Variants in STIM2 observed in about 807,000 individuals in gnomAD.
STIM2 encodes stromal interaction molecule 2.
In STIM2, 31 loss-of-function variants were observed where a neutral mutation model predicts 85.8. The ratio of observed to expected loss-of-function variants is 0.36; its 90% CI spans 0.27 to 0.49. The LOEUF (loss-of-function observed/expected upper bound fraction) is 0.49. Ranked by LOEUF, STIM2 falls within the 20% of genes least tolerant of loss-of-function variation. The pLI, the probability that STIM2 is intolerant of heterozygous loss-of-function variation, is 0.98. For synonymous variants in STIM2, 356 were observed against 331.1 expected (o/e 1.08, Z -0.82); for missense variants, 841 against 927.6 (o/e 0.91, Z 1.21).
chr4:26,981,180 C>T (rs1316521931), intron 3 of STIM2, among the ~76,000 whole-genome samples: 1 of 152,194 alleles, frequency 6.6e-6, no homozygotes, highest in Non-Finnish European at 1.5e-5. Context: ...ATAACTTGAT[C>T]TCTCTGTCCC....
At chr4:26,939,229 A>G (rs947956607) in intron 2 of STIM2, among the ~76,000 whole-genome samples, 4 of 152,012 alleles carry the variant, frequency 2.6e-5, no homozygotes, top group East Asian at 1.9e-4. Context: ...AACTATTCCT[A>G]TTTGACACGG....
At chr4:26,875,784 C>T (rs1392920195) in intron 1 of STIM2, among the ~76,000 whole-genome samples, 1 of 152,104 alleles carries the variant, frequency 6.6e-6, no homozygotes, top group Admixed American at 6.5e-5. Context: ...GAAAAACAGA[C>T]CTTTGGGAAA....
chr4:26,915,639 G>A (rs74601981), intron 1 of STIM2, among the ~76,000 whole-genome samples: 21,532 of 152,196 alleles, frequency 0.14, 1,777 homozygotes, highest in Middle Eastern at 0.27. Flanking sequence ...AAACAAGGTG[G>A]AATTTAATAA....
intron 4 of STIM2, among the ~76,000 whole-genome samples, chr4:26,995,901 G>A (rs1038409056): frequency 3.9e-4 from 59 of 152,082 alleles, no homozygotes; most frequent in African/African-American, 1.2e-3. Flanking sequence ...GAATTATGGC[G>A]TCTATACGTT....
intron 1 of STIM2, among the ~76,000 whole-genome samples, chr4:26,889,701 A>G (rs1723392787): frequency 6.6e-6 from 1 of 152,114 alleles, no homozygotes; most frequent in Admixed American, 6.5e-5. Flanking sequence ...GGTACATAGA[A>G]GTTCATGTTG....
At chr4:26,867,469 T>C (rs114075712) in intron 1 of STIM2, among the ~76,000 whole-genome samples, 53 of 152,284 alleles carry the variant, frequency 3.5e-4, no homozygotes, top group African/African-American at 1.2e-3. Context: ...CCAAAGACAA[T>C]ATATTTGCCA....
chr4:27,011,492 A>G (rs1450050181), intron 10 of STIM2, among the ~76,000 whole-genome samples: 1 of 152,190 alleles, frequency 6.6e-6, no homozygotes, highest in East Asian at 1.9e-4. Flanking sequence ...GTGGACACCT[A>G]GAAACGGACT....
At chr4:26,885,960 A>G (rs1723232484) in intron 1 of STIM2, among the ~76,000 whole-genome samples, 1 of 150,288 alleles carries the variant, frequency 6.7e-6, no homozygotes, top group Non-Finnish European at 1.5e-5. Flanking sequence ...AATTACATAT[A>G]AACCTTATTT....
intron 3 of STIM2, among the ~76,000 whole-genome samples, chr4:26,959,860 T>C (rs1459119725): frequency 1.3e-5 from 2 of 152,202 alleles, no homozygotes; most frequent in African/African-American, 2.4e-5. Context: ...TTATCTCCTC[T>C]CTGCTTCCTT....
chr4:26,892,064 C>A (rs971166221), intron 1 of STIM2, among the ~76,000 whole-genome samples: 17 of 152,160 alleles, frequency 1.1e-4, no homozygotes, highest in Non-Finnish European at 4.4e-5. Flanking sequence ...CTGCCGCTAT[C>A]TGTGTAAGAT....
chr4:26,908,640 C>A (rs546687325), intron 1 of STIM2, among the ~76,000 whole-genome samples: 1 of 152,140 alleles, frequency 6.6e-6, no homozygotes, highest in Non-Finnish European at 1.5e-5. Context: ...CATGCTACCA[C>A]GCCCGGCTCA....
rs1729020295 is a variant in STIM2, at chr4:27,024,527, CT to C, written c.*1534del. 6.6e-6 allele frequency: 1 copy of C among 152,092 alleles called. No individual in the cohort carries two copies. Among genetic ancestry groups the C allele is most frequent in the Non-Finnish European group, 1.5e-5 (1 of 68,004 alleles). 9.4% of individuals were successfully genotyped at this position (152,092 alleles called of 1,614,324 possible). ...TTTTGAGATTTGCTTTAAAGAAATG[CT>C]TTAGTAAGAATATGAACAATTTCCT... On this transcript the variant is annotated 3_prime_UTR_variant, in exon 12 of 12. Coordinates refer to ENST00000467087, the MANE Select transcript of STIM2 (RefSeq NM_020860.4).
chr4:26,947,462 A>G (rs1418642249), intron 2 of STIM2, among the ~76,000 whole-genome samples: 1 of 152,184 alleles, frequency 6.6e-6, no homozygotes, highest in Non-Finnish European at 1.5e-5. Flanking sequence ...TCATAATACC[A>G]GTGTGGGTGG....
intron 2 of STIM2, among the ~76,000 whole-genome samples, chr4:26,934,020 C>T (rs940756095): frequency 6.6e-6 from 1 of 151,942 alleles, no homozygotes; most frequent in African/African-American, 2.4e-5. Context: ...TTGCTGAAAC[C>T]TCGTCTCTAC....
At chr4:26,941,709 T>C (rs1725618373) in intron 2 of STIM2, among the ~76,000 whole-genome samples, 1 of 152,138 alleles carries the variant, frequency 6.6e-6, no homozygotes, top group African/African-American at 2.4e-5. Context: ...TTAAAGATCC[T>C]AAGAGATGAG....
intron 3 of STIM2, among the ~76,000 whole-genome samples, chr4:26,964,200 T>C (rs908232011): frequency 2.0e-5 from 3 of 152,190 alleles, no homozygotes; most frequent in Non-Finnish European, 2.9e-5. Context: ...GTGGCAAGTA[T>C]GATTCCACTC....
At chr4:26,975,943 A>G (rs1209285213) in intron 3 of STIM2, among the ~76,000 whole-genome samples, 2 of 152,102 alleles carry the variant, frequency 1.3e-5, no homozygotes, top group South Asian at 2.1e-4. Flanking sequence ...TACCTATTCA[A>G]GCCTCAGCAA....
intron 2 of STIM2, among the ~76,000 whole-genome samples, chr4:26,953,344 C>CT (rs1371562914): frequency 4.6e-5 from 7 of 152,248 alleles, no homozygotes; most frequent in African/African-American, 1.7e-4. Flanking sequence ...AATATTTTGT[C>CT]TAACACTTTT....
chr4:27,018,163 C>T (rs1728798709), intron 11 of STIM2, among the ~76,000 whole-genome samples, 179 bp downstream of exon 11: 1 of 152,134 alleles, frequency 6.6e-6, no homozygotes, highest in African/African-American at 2.4e-5. Flanking sequence ...CATCAGAATT[C>T]CAAGCCTGGT....
Sources: allele counts gnomAD v4.1 joint callset (sites outside exome capture counted in the v4.1 genomes callset), GRCh38; gene constraint gnomAD v4.1.1; transcripts MANE v1.5; gene names NCBI Gene and HGNC (gene_info 2026-07-23, HGNC 2026-07-21).